Variants in MNAT1 observed in about 807,000 individuals in gnomAD.
The protein encoded by MNAT1 is MNAT1 component of CDK activating kinase.
In MNAT1, 43 loss-of-function variants were observed where a neutral mutation model predicts 42.0. That is an observed-to-expected ratio of 1.02 (90% CI 0.80 to 1.32). MNAT1 has a LOEUF of 1.32. MNAT1 is among the 40% of genes most tolerant of loss of function. The probability of loss-of-function intolerance (pLI) is 0.00; values close to 1 mark genes in which losing one functional copy is unlikely to be tolerated. For synonymous variants in MNAT1, 118 were observed against 120.0 expected (o/e 0.98, Z 0.11); for missense variants, 306 against 350.4 (o/e 0.87, Z 1.01).
intron 1 of MNAT1, among the ~76,000 whole-genome samples, chr14:60,739,419 A>G (rs561897798): frequency 6.6e-6 from 1 of 152,044 alleles, no homozygotes; most frequent in Non-Finnish European, 1.5e-5. Context: ...TCAAGTAGCA[A>G]AGACTTTTTG....
intron 7 of MNAT1, among the ~76,000 whole-genome samples, chr14:60,899,206 GAT>G (rs1024737542): frequency 2.6e-5 from 4 of 152,102 alleles, no homozygotes; most frequent in African/African-American, 7.2e-5. Context: ...GCAATACAAA[GAT>G]ATAGATGCAC....
intron 1 of MNAT1, among the ~76,000 whole-genome samples, chr14:60,743,612 G>C (rs191210645): frequency 6.6e-6 from 1 of 152,174 alleles, no homozygotes; most frequent in Admixed American, 6.5e-5. Flanking sequence ...TATAGTGTAG[G>C]TGTGTTGGTG....
At chr14:60,796,500 A>G (rs2032023689) in intron 2 of MNAT1, 131 bp downstream of exon 2, 1 of 762,532 alleles carries the variant, frequency 1.3e-6, no homozygotes, top group East Asian at 2.9e-5. Context: ...TTAAGTTCTT[A>G]GAGAACTGAG....
At position 60,780,771 on chromosome 14, in the gene MNAT1, TCA is replaced by T. The variant is rs1452320483; in HGVS notation, c.90-15444_90-15443del. On this transcript the variant is annotated intron_variant, in intron 1 of 7. Coordinates refer to ENST00000261245, the MANE Select transcript of MNAT1 (RefSeq NM_002431.4). ...TTTGTTTTTTTGGTACCTATTTGAC[TCA>T]CCATGGAGTTAACATCATGAATTTA... Among the ~76,000 whole-genome samples, 18 of 152,320 alleles carry T rather than the reference TCA, an allele frequency of 1.2e-4. No individual in the cohort carries two copies. In the South Asian group the frequency reaches 3.5e-3, roughly 30 times the overall value.
chr14:60,898,012 A>G (rs1212693350), intron 7 of MNAT1, among the ~76,000 whole-genome samples: 4 of 151,102 alleles, frequency 2.6e-5, no homozygotes, highest in African/African-American at 7.3e-5. Context: ...GATTTATTTT[A>G]CTTAACCTGA....
intron 7 of MNAT1, among the ~76,000 whole-genome samples, chr14:60,910,720 G>A (rs947946686): frequency 3.9e-5 from 6 of 152,140 alleles, no homozygotes; most frequent in Non-Finnish European, 7.4e-5. Context: ...TGCTGGATTT[G>A]GTTTGCCAGT....
intron 1 of MNAT1, among the ~76,000 whole-genome samples, chr14:60,786,922 A>G (rs746781231): frequency 6.6e-6 from 1 of 152,200 alleles, no homozygotes; most frequent in Non-Finnish European, 1.5e-5. Flanking sequence ...CCTTTGAATC[A>G]TGGTGGAAGT....
chr14:60,843,445 T>C (rs1437047985), intron 6 of MNAT1, among the ~76,000 whole-genome samples: 1 of 152,062 alleles, frequency 6.6e-6, no homozygotes, highest in African/African-American at 2.4e-5. Context: ...TAATTTTTGG[T>C]ATTTTTAGTA....
At chr14:60,874,123 T>G (rs2034386288) in intron 6 of MNAT1, among the ~76,000 whole-genome samples, 1 of 152,240 alleles carries the variant, frequency 6.6e-6, no homozygotes, top group African/African-American at 2.4e-5. Context: ...TTACCAGCAG[T>G]GTATTCACGC....
At chr14:60,792,875 TTC>T (rs1366842631) in intron 1 of MNAT1, among the ~76,000 whole-genome samples, 1 of 152,234 alleles carries the variant, frequency 6.6e-6, no homozygotes, top group East Asian at 1.9e-4. Flanking sequence ...CAGCAGATTT[TTC>T]TGTTTTCTGC....
At chr14:60,816,635 TA>T (rs1231453815) in intron 5 of MNAT1, among the ~76,000 whole-genome samples, 1 of 152,078 alleles carries the variant, frequency 6.6e-6, no homozygotes, top group African/African-American at 2.4e-5. Context: ...CCTTTTAAGG[TA>T]AAATGTAATG....
intron 6 of MNAT1, among the ~76,000 whole-genome samples, chr14:60,861,644 G>A (rs1475851525): frequency 1.3e-5 from 2 of 152,016 alleles, no homozygotes; most frequent in African/African-American, 4.8e-5. Context: ...GAAGAATTTC[G>A]AGCAAGAAAA....
chr14:60,798,301 A>T (rs1238246203), intron 3 of MNAT1, 141 bp downstream of exon 3: 1 of 506,402 alleles, frequency 2.0e-6, no homozygotes, highest in Middle Eastern at 3.0e-4. Context: ...TTTCTTTTGC[A>T]CTTGAGTCAT....
chr14:60,915,653 C>T (rs1468633511), intron 7 of MNAT1, among the ~76,000 whole-genome samples: 1 of 152,198 alleles, frequency 6.6e-6, no homozygotes, highest in Non-Finnish European at 1.5e-5. Context: ...TTATTAATAG[C>T]TTAGTCTCTC....
At chr14:60,736,781 A>G (rs1896321364) in intron 1 of MNAT1, among the ~76,000 whole-genome samples, 1 of 152,236 alleles carries the variant, frequency 6.6e-6, no homozygotes, top group Non-Finnish European at 1.5e-5. Context: ...TGCTGCTTGT[A>G]TCACGGTCCT....
intron 7 of MNAT1, among the ~76,000 whole-genome samples, chr14:60,967,184 C>T (rs1233108805): frequency 6.6e-6 from 1 of 152,060 alleles, no homozygotes; most frequent in Non-Finnish European, 1.5e-5. Context: ...TATGTTTTAG[C>T]TACACAGGTT....
At chr14:60,839,472 C>A (rs1041358169) in intron 6 of MNAT1, among the ~76,000 whole-genome samples, 1 of 152,170 alleles carries the variant, frequency 6.6e-6, no homozygotes, top group Non-Finnish European at 1.5e-5. Flanking sequence ...GTCCACATAC[C>A]TCATTCTTCC....
intron 7 of MNAT1, among the ~76,000 whole-genome samples, chr14:60,946,514 C>T (rs7146168): frequency 0.036 from 5,534 of 151,984 alleles, 209 homozygotes; most frequent in African/African-American, 0.093. Flanking sequence ...ACACTACTTC[C>T]TTTTTGTTTT....
Position 60,818,809 on chromosome 14 carries a change from C to G in MNAT1, c.649C>G (p.Pro217Ala). The G allele has an allele frequency of 6.2e-7, 1 of 1,612,720 alleles. No individual in the cohort carries two copies. The highest frequency in any genetic ancestry group is 8.5e-7 in the Non-Finnish European group (1 of 1,179,090). Reference sequence around the variant, plus strand: ...AGAAATGCAACTTGAGAAACCCAAACCTGTAAAACCAGTGACGTTTTCCAC... The same window carrying G: ...AGAAATGCAACTTGAGAAACCCAAAGCTGTAAAACCAGTGACGTTTTCCAC... ...QLEMQLEKPK[P>A]VKPVTFSTGI... The change falls in exon 6 of 8, where the codon CCT becomes GCT. Residue 217 changes from proline (P) to alanine (A), a missense_variant. Physicochemically the swap from Pro to Ala is conservative, Grantham distance 27 (BLOSUM62 -1). Transcript: ENST00000261245.
Sources: gnomAD v4.1 joint callset for allele counts (sites outside exome capture counted in the v4.1 genomes callset) on GRCh38, gnomAD v4.1.1 for gene constraint, MANE v1.5 for transcripts, NCBI Gene and HGNC (gene_info 2026-07-23, HGNC 2026-07-21) for gene names.